ZNF829: variants seen among roughly 807,000 people sequenced by gnomAD.
The protein encoded by ZNF829 is zinc finger protein 829.
ZNF829 carries 25 observed loss-of-function variants against 35.2 expected under a neutral mutation model. The ratio of observed to expected loss-of-function variants is 0.71; its 90% CI spans 0.52 to 0.99. The LOEUF is 0.99. Among genes scored for constraint, ZNF829 ranks in the 50% least tolerant of loss-of-function variants. The pLI, the probability that ZNF829 is intolerant of heterozygous loss-of-function variation, is 0.00. For synonymous variants in ZNF829, 136 were observed against 163.2 expected, an observed-to-expected ratio of 0.83 and a Z score of 1.27; for missense variants, 417 against 515.3, an observed-to-expected ratio of 0.81 and a Z score of 1.85.
Position 36,915,103 on chromosome 19 carries a change from G to C in ZNF829, c.38+27C>G, listed in dbSNP as rs754223624. The stretch of plus-strand genomic sequence containing the variant: ...CTTGGTACCCAGATTAGTCAAGTAA[G>C]AGTTCTTCCCCAGCCCCATTACCCA... On this transcript the variant is annotated intron_variant, in intron 2 of 5. Coordinates refer to ENST00000391711, the MANE Select transcript of ZNF829 (RefSeq NM_001037232.4). The C allele has an allele frequency of 1.9e-6, 3 of 1,614,112 alleles. No individual in the cohort carries two copies. In the South Asian group the frequency reaches 3.3e-5, roughly 18 times the overall value.
At chr19:36,902,304 C>T (rs2073174511) in intron 5 of ZNF829, among the ~76,000 whole-genome samples, 1 of 152,144 alleles carries the variant, frequency 6.6e-6, no homozygotes, top group African/African-American at 2.4e-5. Flanking sequence ...ATACATCTTC[C>T]TCCTGATTTT....
At chr19:36,895,306 G>A (rs1274023810) in intron 5 of ZNF829, among the ~76,000 whole-genome samples, 1 of 152,130 alleles carries the variant, frequency 6.6e-6, no homozygotes, top group African/African-American at 2.4e-5. Context: ...GGCAAAGGGT[G>A]TCCTACATCT....
intron 5 of ZNF829, among the ~76,000 whole-genome samples, chr19:36,904,872 T>C (rs1309692825): frequency 6.6e-6 from 1 of 152,104 alleles, no homozygotes; most frequent in Non-Finnish European, 1.5e-5. Context: ...AATTAGCAAG[T>C]TGGTAGGGAG....
chr19:36,897,156 A>G (rs1255914460), intron 5 of ZNF829, among the ~76,000 whole-genome samples: 2 of 152,178 alleles, frequency 1.3e-5, no homozygotes, highest in South Asian at 2.1e-4. Context: ...GTTTTTCTCA[A>G]ACTATTCCAA....
chr19:36,903,758 G>A (rs546488717), intron 5 of ZNF829, among the ~76,000 whole-genome samples: 1 of 114,580 alleles, frequency 8.7e-6, no homozygotes, highest in East Asian at 2.8e-4. Flanking sequence ...GGGCATGGTG[G>A]CAGGTGCCTC....
chr19:36,890,120 G>C lies in ZNF829; in HGVS notation c.*1372C>G, dbSNP rs1024759825. ...ATCTAGTTTTATTCCACTATGGTCA[G>C]AGAAGATGTTAGATATGATTTTGTT... On this transcript the variant is annotated 3_prime_UTR_variant, in exon 6 of 6. Coordinates refer to ENST00000391711, the MANE Select transcript of ZNF829 (RefSeq NM_001037232.4). 6.6e-6 allele frequency: 1 copy of C among 152,172 alleles called. No homozygotes were observed. Among genetic ancestry groups the C allele is most frequent in the Non-Finnish European group, 1.5e-5 (1 of 68,036 alleles). The allele number at this position is 152,172 out of a possible 1,614,324, so 9.4% of individuals were successfully genotyped here.
At chr19:36,913,527 C>A (rs2073281239) in intron 3 of ZNF829, among the ~76,000 whole-genome samples, 1 of 152,050 alleles carries the variant, frequency 6.6e-6, no homozygotes, top group Non-Finnish European at 1.5e-5. Flanking sequence ...GCCCACTGCC[C>A]CCTCCTGAGA....
intron 5 of ZNF829, among the ~76,000 whole-genome samples, chr19:36,902,549 C>T (rs10426008): frequency 0.15 from 23,136 of 151,964 alleles, 2,197 homozygotes; most frequent in African/African-American, 0.26. Context: ...GTGGGAGGGT[C>T]ACTTAAGCCT....
rs549461697 is a variant in ZNF829 at position 36,891,471 on chromosome 19, A to G, written c.*21T>C. ...AAAAATTATTATAAAGGTTAACAAA[A>G]TGGTCTTACTTTACTGTCATTCAAC... On this transcript the variant is annotated 3_prime_UTR_variant, in exon 6 of 6. Transcript: ENST00000391711. 6.3e-5 allele frequency: 95 copies of G among 1,516,498 alleles called. 1 individual carries two copies. In the South Asian group the frequency reaches 9.7e-4, roughly 15 times the overall value. The allele number at this position is 1,516,498 out of a possible 1,614,324, so 93.9% of individuals were successfully genotyped here. A position where few individuals can be genotyped will look rare whatever the true frequency, so the allele number is the denominator to read the frequency against.
At chr19:36,910,379 C>T (rs1457504103) in intron 3 of ZNF829, among the ~76,000 whole-genome samples, 1 of 152,198 alleles carries the variant, frequency 6.6e-6, no homozygotes, top group Non-Finnish European at 1.5e-5. Context: ...GCCACCACGC[C>T]TGGCCCATTT....
Position 36,889,270 on chromosome 19 carries a change from T to C in ZNF829, c.*2222A>G, listed in dbSNP as rs2073027755. The C allele has an allele frequency of 6.6e-6, 1 of 152,184 alleles. No individual in the cohort carries two copies. Among genetic ancestry groups the C allele is most frequent in the South Asian group, 2.1e-4 (1 of 4,830 alleles). 9.4% of individuals were successfully genotyped at this position (152,184 alleles called of 1,614,324 possible). ...GCTTGTAGTTTTTTTGTGTGTTTTA[T>C]CCTTGCCTGGCTTCAGTATCAGGAT... On this transcript the variant is annotated 3_prime_UTR_variant, in exon 6 of 6. Transcript: ENST00000391711.
Position 36,915,993 on chromosome 19 carries a change from G to A in ZNF829, c.-85+18C>T. 1 of 1,461,936 alleles carries A rather than the reference G, an allele frequency of 6.8e-7. No homozygotes were observed. The highest frequency in any genetic ancestry group is 9.2e-7 in the Non-Finnish European group (1 of 1,092,026). 90.6% of individuals were successfully genotyped at this position (1,461,936 alleles called of 1,614,324 possible). A position where few individuals can be genotyped will look rare whatever the true frequency, so the allele number is the denominator to read the frequency against. On this transcript the variant is annotated intron_variant, in intron 1 of 5. Coordinates refer to ENST00000391711, the MANE Select transcript of ZNF829 (RefSeq NM_001037232.4). ...TTGCAGACCTGAGCCAGTTCTCCTG[G>A]GGACCAAAATATCTCACCTCCCAGA... is the stretch of plus-strand genomic sequence containing the variant.
intron 5 of ZNF829, among the ~76,000 whole-genome samples, chr19:36,897,349 T>G (rs2073122580): frequency 6.6e-6 from 1 of 151,932 alleles, no homozygotes; most frequent in Admixed American, 6.6e-5. Flanking sequence ...AACAAGATAA[T>G]ATACAACGAT....
At chr19:36,912,486 A>T (rs10409362) in intron 3 of ZNF829, among the ~76,000 whole-genome samples, 3,719 of 152,232 alleles carry the variant, frequency 0.024, 134 homozygotes, top group African/African-American at 0.083. Flanking sequence ...CAGTCACATC[A>T]TCTATAAAGC....
intron 3 of ZNF829, among the ~76,000 whole-genome samples, chr19:36,911,947 C>G (rs2073267969): frequency 6.6e-6 from 1 of 152,202 alleles, no homozygotes; most frequent in South Asian, 2.1e-4. Context: ...AGGGGCTTCT[C>G]TGAGAGACTC....
At chr19:36,893,243 T>A (rs948060088) in intron 5 of ZNF829, among the ~76,000 whole-genome samples, 44 of 152,150 alleles carry the variant, frequency 2.9e-4, no homozygotes, top group Admixed American at 2.7e-3. Flanking sequence ...CAGGTACATC[T>A]CTTCTGTGCA....
intron 1 of ZNF829, 103 bp downstream of exon 1, chr19:36,915,908 G>T (rs1222717311): frequency 6.5e-7 from 1 of 1,536,112 alleles, no homozygotes; most frequent in Non-Finnish European, 8.7e-7. Flanking sequence ...CAAGGCGCCA[G>T]CTCCCCATCG....
chr19:36,915,269 G>A lies in ZNF829; in HGVS notation c.-84-18C>T, dbSNP rs771562759. The A allele has an allele frequency of 2.5e-6, 4 of 1,601,192 alleles. No homozygotes were observed. Among genetic ancestry groups the A allele is most frequent in the South Asian group, 1.1e-5 (1 of 89,448 alleles). On this transcript the variant is annotated intron_variant, in intron 1 of 5. Transcript: ENST00000391711. ...GAGGTTTCCTAGAGACAGAGTTCTG[G>A]AGTCACAATCGCATAGTTGACAGGA...
Position 36,900,145 on chromosome 19 carries a change from A to AAAAC in ZNF829, c.320-7675_320-7674insGTTT, listed in dbSNP as rs1489365490. ...ACATGGTAAAACTCTGTCTCTACTAAACACACACACACACACACACACACA... is the reference window on the plus strand; with the variant it reads ...ACATGGTAAAACTCTGTCTCTACTAAAAACACACACACACACACACACACACACA... On this transcript the variant is annotated intron_variant, in intron 5 of 5. Transcript: ENST00000391711. Among the ~76,000 whole-genome samples the AAAAC allele has an allele frequency of 3.5e-3, 424 of 120,490 alleles. 2 individuals are homozygous for AAAAC. The highest frequency in any genetic ancestry group is 0.014 in the African/African-American group (408 of 30,056). The allele number at this position is 120,490 out of a possible 152,430, so 79.0% of individuals were successfully genotyped here.
Sources: allele counts gnomAD v4.1 joint callset (sites outside exome capture counted in the v4.1 genomes callset), GRCh38; gene constraint gnomAD v4.1.1; transcripts MANE v1.5; gene names NCBI Gene and HGNC (gene_info 2026-07-23, HGNC 2026-07-21).